Variants in PPP3CA observed in about 807,000 individuals in gnomAD.
PPP3CA encodes protein phosphatase 3 catalytic subunit alpha, also known as CAM-PRP catalytic subunit.
A neutral mutation model predicts 66.5 loss-of-function variants in PPP3CA; 14 were observed. The observed-to-expected ratio is 0.21, with a 90% CI of 0.14 to 0.33. The LOEUF (loss-of-function observed/expected upper bound fraction) is 0.33. PPP3CA is among the 10% of genes least tolerant of loss of function. The probability of loss-of-function intolerance (pLI) is 1.00; values close to 1 mark genes in which losing one functional copy is unlikely to be tolerated. For synonymous variants in PPP3CA, 232 were observed against 226.2 expected, an observed-to-expected ratio of 1.03 and a Z score of -0.23; for missense variants, 317 against 639.5, an observed-to-expected ratio of 0.50 and a Z score of 5.44.
At chr4:101,057,393 C>T in intron 10 of PPP3CA, among the ~76,000 whole-genome samples, 1 of 152,288 alleles carries the variant, frequency 6.6e-6, no homozygotes, top group South Asian at 2.1e-4. Flanking sequence ...ACTTTCATTT[C>T]TGTATTTCTT....
chr4:101,314,383 T>C (rs1338752739), intron 1 of PPP3CA, among the ~76,000 whole-genome samples: 2 of 151,830 alleles, frequency 1.3e-5, no homozygotes, highest in African/African-American at 4.8e-5. Context: ...GCTAACATGG[T>C]GAAACCCCGT....
chr4:101,190,755 G>A (rs73833261), intron 2 of PPP3CA, among the ~76,000 whole-genome samples: 1,847 of 152,134 alleles, frequency 0.012, 43 homozygotes, highest in African/African-American at 0.042. Flanking sequence ...TAAACTCTAT[G>A]TCCCAAATAT....
chr4:101,144,518 T>C (rs1248556758), intron 2 of PPP3CA, among the ~76,000 whole-genome samples: 1 of 152,216 alleles, frequency 6.6e-6, no homozygotes, highest in African/African-American at 2.4e-5. Flanking sequence ...CAGAAGTTAC[T>C]GCCTTTTGAT....
rs576832723 is a variant in PPP3CA at position 101,245,363 on chromosome 4, TC to T, written c.59-49248del. On this transcript the variant is annotated intron_variant, in intron 1 of 13. Coordinates refer to ENST00000394854, the MANE Select transcript of PPP3CA (RefSeq NM_000944.5). ...GAGCATCAAGGGCTTATTTCTGATT[TC>T]TCATCTTTTTATCCCGAAGAGTACA... Among the ~76,000 whole-genome samples, 57 of 152,320 alleles carry T rather than the reference TC, an allele frequency of 3.7e-4. No individual in the cohort carries two copies. In the South Asian group the frequency reaches 0.012, roughly 31 times the overall value.
intron 1 of PPP3CA, among the ~76,000 whole-genome samples, chr4:101,334,423 C>T (rs1034330372): frequency 3.9e-5 from 6 of 152,030 alleles, no homozygotes; most frequent in Non-Finnish European, 7.4e-5. Flanking sequence ...TGTGAGCCAC[C>T]GCGCCCAACC....
At position 101,254,202 on chromosome 4, in the gene PPP3CA, G is replaced by A. The variant is rs1015653303; in HGVS notation, c.59-58086C>T. ...AATGTATTGGTTTACGTATCTGCCT[G>A]AAGTACTAATACTGGGAGGATATAG... On this transcript the variant is annotated intron_variant, in intron 1 of 13. Transcript: ENST00000394854. Among the ~76,000 whole-genome samples the A allele has an allele frequency of 3.6e-4, 55 of 151,980 alleles. 1 individual carries two copies. Among genetic ancestry groups the A allele is most frequent in the Non-Finnish European group, 1.5e-4 (10 of 67,926 alleles).
rs1188894227 is a variant in PPP3CA at position 101,024,676 on chromosome 4, T to G, written c.*1189A>C. The G allele has an allele frequency of 6.6e-6, 1 of 152,642 alleles. No homozygotes were observed. The highest frequency in any genetic ancestry group is 1.5e-5 in the Non-Finnish European group (1 of 68,042). 9.5% of individuals were successfully genotyped at this position (152,642 alleles called of 1,614,324 possible). A position where few individuals can be genotyped will look rare whatever the true frequency, so the allele number is the denominator to read the frequency against. The stretch of plus-strand genomic sequence containing the variant: ...AGTTTCACATGTAACTACAAACTTA[T>G]TATAATTTCACAAGGTTTGCTAAAC... On this transcript the variant is annotated 3_prime_UTR_variant, in exon 14 of 14. Transcript: ENST00000394854.
chr4:101,276,567 G>GT, intron 1 of PPP3CA, among the ~76,000 whole-genome samples: 1 of 152,008 alleles, frequency 6.6e-6, no homozygotes, highest in East Asian at 1.9e-4. Flanking sequence ...CAGGCAGTTT[G>GT]TTTACATGGT....
At chr4:101,051,885 T>C (rs1392447735) in intron 10 of PPP3CA, among the ~76,000 whole-genome samples, 1 of 152,118 alleles carries the variant, frequency 6.6e-6, no homozygotes, top group Non-Finnish European at 1.5e-5. Context: ...AAAATATATA[T>C]TATACATGCA....
At chr4:101,195,836 T>C in intron 2 of PPP3CA, 80 bp downstream of exon 2, 1 of 1,253,200 alleles carries the variant, frequency 8.0e-7, no homozygotes, top group East Asian at 2.3e-5. Flanking sequence ...GAAGACTCAC[T>C]GGTAACTAGG....
At chr4:101,094,300 C>G (rs768835885) in intron 5 of PPP3CA, among the ~76,000 whole-genome samples, 2 of 151,814 alleles carry the variant, frequency 1.3e-5, no homozygotes, top group Non-Finnish European at 2.9e-5. Flanking sequence ...GACTCTACCC[C>G]TGTTTCATTT....
intron 2 of PPP3CA, among the ~76,000 whole-genome samples, chr4:101,124,659 GAGACAGAAAGAAAGAAAGAA>G (rs1472173446): frequency 6.4e-5 from 7 of 109,622 alleles, no homozygotes; most frequent in Non-Finnish European, 9.3e-5. Flanking sequence ...GAGGGAGAGA[GAGACAGAAAGAAAGAAAGAA>G]AGAAAGAAAG....
At chr4:101,272,079 G>A (rs1162059171) in intron 1 of PPP3CA, among the ~76,000 whole-genome samples, 2 of 151,826 alleles carry the variant, frequency 1.3e-5, no homozygotes, top group East Asian at 3.9e-4. Context: ...CTTACACCCC[G>A]CCACTCCTCA....
intron 2 of PPP3CA, among the ~76,000 whole-genome samples, chr4:101,149,329 G>T (rs895952785): frequency 7.9e-5 from 12 of 152,048 alleles, no homozygotes; most frequent in Non-Finnish European, 1.5e-4. Flanking sequence ...ATCACTTTTA[G>T]ACAAATTATC....
intron 2 of PPP3CA, among the ~76,000 whole-genome samples, chr4:101,124,725 GAGAAAGAA>G (rs756619477): frequency 0.015 from 895 of 58,454 alleles, 47 homozygotes; most frequent in Non-Finnish European, 0.02. Context: ...AAGAAAGAAA[GAGAAAGAA>G]AGAAAGAAAG....
At chr4:101,265,315 C>T (rs1230702160) in intron 1 of PPP3CA, among the ~76,000 whole-genome samples, 1 of 152,006 alleles carries the variant, frequency 6.6e-6, no homozygotes, top group Non-Finnish European at 1.5e-5. Context: ...TGCTCTGTTG[C>T]CCAGGCCAGT....
intron 2 of PPP3CA, among the ~76,000 whole-genome samples, chr4:101,126,209 G>T (rs1247117822): frequency 6.6e-6 from 1 of 152,134 alleles, no homozygotes; most frequent in Non-Finnish European, 1.5e-5. Context: ...ATCCTGTGAT[G>T]TCTAAAATAT....
chr4:101,127,452 T>C (rs1722280870), intron 2 of PPP3CA, among the ~76,000 whole-genome samples: 1 of 151,926 alleles, frequency 6.6e-6, no homozygotes, highest in South Asian at 2.1e-4. Context: ...ACAGGCAGAA[T>C]CAGAGAGGCC....
intron 2 of PPP3CA, among the ~76,000 whole-genome samples, chr4:101,173,197 T>C (rs909039596): frequency 6.6e-6 from 1 of 152,074 alleles, no homozygotes; most frequent in Non-Finnish European, 1.5e-5. Flanking sequence ...TTTGCCTTTA[T>C]TGGGGGATGA....
Sources: gnomAD v4.1 joint callset for allele counts (sites outside exome capture counted in the v4.1 genomes callset) on GRCh38, gnomAD v4.1.1 for gene constraint, MANE v1.5 for transcripts, NCBI Gene and HGNC (gene_info 2026-07-23, HGNC 2026-07-21) for gene names.